The following CRLS1 variants were observed in gnomAD, a reference collection of about 807,000 sequenced individuals.
CRLS1 encodes the protein cardiolipin synthase (CMP-forming).
Under a neutral mutation model 37.0 loss-of-function variants are expected in CRLS1, and 24 were observed. The observed-to-expected ratio is 0.65, with a 90% CI of 0.47 to 0.91. The LOEUF (loss-of-function observed/expected upper bound fraction) is 0.91, where lower values mean the gene tolerates loss of function less well. CRLS1 is among the 40% of genes least tolerant of loss of function. The pLI is 0.00. For synonymous variants in CRLS1, 135 were observed against 159.7 expected, an observed-to-expected ratio of 0.85 and a Z score of 1.17; for missense variants, 373 against 395.8, an observed-to-expected ratio of 0.94 and a Z score of 0.49.
At chr20:6,032,732 T>C (rs896224915) in intron 5 of CRLS1, among the ~76,000 whole-genome samples, 1 of 152,234 alleles carries the variant, frequency 6.6e-6, no homozygotes, top group Non-Finnish European at 1.5e-5. Context: ...AGTCTACCTC[T>C]CAAGCCATAT....
chr20:6,026,111 A>T (rs942135096), intron 3 of CRLS1: 2 of 152,232 alleles, frequency 1.3e-5, no homozygotes, highest in Admixed American at 1.3e-4. Context: ...GTACAGCGAA[A>T]TCTTTTATGA....
At chr20:6,035,541 A>ATT (rs11395674) in intron 6 of CRLS1, among the ~76,000 whole-genome samples, 29 of 150,564 alleles carry the variant, frequency 1.9e-4, no homozygotes, top group Admixed American at 4.0e-4. Flanking sequence ...GAGAGACAGT[A>ATT]TTTTTTTTTT....
At position 6,009,882 on chromosome 20, in the gene CRLS1, A is replaced by G. The variant is rs771647402; in HGVS notation, c.414A>G (p.Gly138=). Residue 138 remains glycine, a synonymous_variant, in exon 2 of 7, where the codon GGA becomes GGG. Coordinates refer to ENST00000378863, the MANE Select transcript of CRLS1 (RefSeq NM_019095.6). ...AAGAAGATTTTAATATTGCACTAGG[A>G]GTTTTTGCTTTAGCTGGACTAACAG... ...IIEEDFNIAL[G]VFALAGLTDL... is the part of the protein sequence containing the mutation. The G allele has an allele frequency of 6.2e-7, 1 of 1,613,934 alleles. No homozygotes were observed. The highest frequency in any genetic ancestry group is 1.7e-5 in the Admixed American group (1 of 59,996).
intron 3 of CRLS1, among the ~76,000 whole-genome samples, chr20:6,020,902 G>A (rs1979216144): frequency 6.6e-6 from 1 of 151,934 alleles, no homozygotes; most frequent in Admixed American, 6.6e-5. Flanking sequence ...GAAGTGCTGG[G>A]ATTACAGGCG....
At chr20:6,029,870 C>A (rs1980013707) in intron 3 of CRLS1, among the ~76,000 whole-genome samples, 1 of 148,514 alleles carries the variant, frequency 6.7e-6, no homozygotes, top group Non-Finnish European at 1.5e-5. Flanking sequence ...AAGGACTAGG[C>A]CAAGGATCAA....
rs552254068 is a variant in CRLS1, at chr20:6,018,684, C to T, written c.574+3194C>T. ...AGAGATGCGGTTTTGCTATGTTGCT[C>T]ATGCTGATCTTGAACTCTTGGCCTC... On this transcript the variant is annotated intron_variant, in intron 3 of 6. Transcript: ENST00000378863. 4.3e-4 allele frequency among the ~76,000 whole-genome samples: 66 copies of T among 152,214 alleles called. 1 individual carries two copies. Among genetic ancestry groups the T allele is most frequent in the Non-Finnish European group, 7.4e-5 (5 of 68,014 alleles).
At chr20:6,022,445 C>T (rs1200424410) in intron 3 of CRLS1, among the ~76,000 whole-genome samples, 5 of 150,358 alleles carry the variant, frequency 3.3e-5, no homozygotes, top group Non-Finnish European at 7.4e-5. Flanking sequence ...CTCAAGCAGT[C>T]CTCCTACCTC....
At chr20:6,029,716 A>G (rs1980002951) in intron 3 of CRLS1, among the ~76,000 whole-genome samples, 1 of 152,158 alleles carries the variant, frequency 6.6e-6, no homozygotes, top group Non-Finnish European at 1.5e-5. Context: ...TTGCTACAGA[A>G]AAGTTTGTTT....
At chr20:6,006,015 G>A, upstream of CRLS1, 1 of 343,366 alleles carries the variant, frequency 2.9e-6, no homozygotes, top group Non-Finnish European at 5.2e-6. Context: ...TGTGCCAGGG[G>A]CGCCGGGAAG....
intron 3 of CRLS1, among the ~76,000 whole-genome samples, chr20:6,020,980 T>C (rs1979227296): frequency 6.6e-6 from 1 of 151,892 alleles, no homozygotes; most frequent in Admixed American, 6.6e-5. Context: ...GTTCTTTTGC[T>C]TTTGGTTTGT....
intron 3 of CRLS1, among the ~76,000 whole-genome samples, chr20:6,027,876 C>T (rs1473036799): frequency 2.0e-5 from 3 of 152,200 alleles, no homozygotes; most frequent in Non-Finnish European, 2.9e-5. Flanking sequence ...GATCTAACTG[C>T]TCTTTATATG....
intron 3 of CRLS1, among the ~76,000 whole-genome samples, chr20:6,027,844 G>A (rs1410021827): frequency 1.3e-5 from 2 of 152,232 alleles, no homozygotes; most frequent in South Asian, 2.1e-4. Context: ...GCAGTAAGGT[G>A]TTAGGGAACG....
At chr20:6,028,207 C>T (rs1274365674) in intron 3 of CRLS1, 1 of 152,086 alleles carries the variant, frequency 6.6e-6, no homozygotes, top group African/African-American at 2.4e-5. Context: ...AATTTTTTTG[C>T]TTTCTTCCTT....
intron 3 of CRLS1, among the ~76,000 whole-genome samples, chr20:6,026,515 A>C (rs1315924630): frequency 6.6e-6 from 1 of 152,018 alleles, no homozygotes; most frequent in African/African-American, 2.4e-5. Flanking sequence ...GCATGCTTGT[A>C]TTTATTTATT....
intron 1 of CRLS1, among the ~76,000 whole-genome samples, chr20:6,009,340 A>G (rs971780332): frequency 9.9e-5 from 15 of 152,076 alleles, no homozygotes; most frequent in African/African-American, 3.6e-4. Flanking sequence ...AAAAAAAAAA[A>G]AGAGAAAAGG....
intron 3 of CRLS1, among the ~76,000 whole-genome samples, chr20:6,020,748 G>C (rs865989508): frequency 6.6e-6 from 1 of 150,896 alleles, no homozygotes; most frequent in African/African-American, 2.4e-5. Flanking sequence ...TCAGCCTCCC[G>C]AGTAGCTGGG....
At chr20:6,012,483 T>G (rs773042765) in intron 2 of CRLS1, among the ~76,000 whole-genome samples, 2 of 152,018 alleles carry the variant, frequency 1.3e-5, no homozygotes, top group Non-Finnish European at 2.9e-5. Flanking sequence ...GTGGATGGAT[T>G]AGATATGGAG....
At chr20:6,031,476 A>C (rs1211763145) in intron 4 of CRLS1, 106 bp downstream of exon 4, 1 of 751,064 alleles carries the variant, frequency 1.3e-6, no homozygotes, top group African/African-American at 1.8e-5. Flanking sequence ...TGGCACGTGA[A>C]ACCCAGACTA....
At chr20:6,031,531 A>G (rs1303283727) in intron 4 of CRLS1, among the ~76,000 whole-genome samples, 161 bp downstream of exon 4, 2 of 152,236 alleles carry the variant, frequency 1.3e-5, no homozygotes, top group Non-Finnish European at 2.9e-5. Flanking sequence ...GGTGTTTCAT[A>G]TAGGTCCAGG....
Sources: allele counts gnomAD v4.1 joint callset (sites outside exome capture counted in the v4.1 genomes callset), GRCh38; gene constraint gnomAD v4.1.1; transcripts MANE v1.5; gene names NCBI Gene and HGNC (gene_info 2026-07-23, HGNC 2026-07-21).